Variants in COX4I1 observed in about 807,000 individuals in gnomAD.
COX4I1 encodes cytochrome c oxidase subunit 4I1, also known as cytochrome c oxidase subunit 4 isoform 1, mitochondrial.
COX4I1 carries 18 observed loss-of-function variants against 21.7 expected under a neutral mutation model. That is an observed-to-expected ratio of 0.83 (90% confidence interval 0.57 to 1.23). The LOEUF (loss-of-function observed/expected upper bound fraction) is 1.23, where lower values mean the gene tolerates loss of function less well. Ranked by LOEUF, COX4I1 falls within the 50% of genes most tolerant of loss-of-function variation. The pLI is 0.00. For missense variants in COX4I1, 238 were observed against 220.7 expected, an observed-to-expected ratio of 1.08 and a Z score of -0.50; for synonymous variants, 100 against 81.5, an observed-to-expected ratio of 1.23 and a Z score of -1.23.
intron 4 of COX4I1, chr16:85,806,155 A>T (rs1392408191): frequency 6.8e-6 from 4 of 585,688 alleles, no homozygotes; most frequent in Non-Finnish European, 1.2e-5. Flanking sequence ...TGTGCTCACC[A>T]GTCACTTAGC....
In COX4I1 at chr16:85,806,976, G is replaced by T; in HGVS notation, c.*102G>T. On this transcript the variant is annotated 3_prime_UTR_variant, in exon 5 of 5. Transcript: ENST00000253452. ...TGTTATGCCAAACAGTTGTACCACT[G>T]CTAATAAATGACCAGTTTACCTGAA... 1 of 1,258,008 alleles carries T rather than the reference G, an allele frequency of 7.9e-7. No individual in the cohort carries two copies. 77.9% of individuals were successfully genotyped at this position (1,258,008 alleles called of 1,614,324 possible).
intron 1 of COX4I1, among the ~76,000 whole-genome samples, chr16:85,800,217 G>A (rs190188278): frequency 6.6e-6 from 1 of 152,392 alleles, no homozygotes; most frequent in Non-Finnish European, 1.5e-5. Flanking sequence ...GAAGCTAGAC[G>A]CGGGCGTTCA....
intron 4 of COX4I1, chr16:85,806,204 G>A (rs1474312013): frequency 1.7e-6 from 1 of 589,062 alleles, no homozygotes; most frequent in Non-Finnish European, 3.0e-6. Context: ...AGGATAAGGG[G>A]ACTCATTCAT....
At chr16:85,806,139 A>G in intron 4 of COX4I1, 1 of 584,952 alleles carries the variant, frequency 1.7e-6, no homozygotes, top group Non-Finnish European at 3.0e-6. Flanking sequence ...TTTCAGTAGC[A>G]ATTTATGTGC....
rs986078720 is a variant in COX4I1 at position 85,801,120 on chromosome 16, T to G, written c.-1-85T>G. On this transcript the variant is annotated intron_variant, in intron 1 of 4. Transcript: ENST00000253452. ...GTTGGGGAGAAGCAAACAAAAAAAT[T>G]CCAAAATGCTCTGGGGCAAAAAGAA... 3.4e-6 allele frequency: 4 copies of G among 1,171,770 alleles called. No homozygotes were observed. In the African/African-American group the frequency reaches 4.6e-5, roughly 13 times the overall value. 72.6% of individuals were successfully genotyped at this position (1,171,770 alleles called of 1,614,324 possible).
rs940259488 is a variant in COX4I1 at position 85,805,269 on chromosome 16, C to T, written c.241+165C>T. ...GTGCCAGGGCCCCAGTTTATGTGCT[C>T]ACCAGTCACTTAGCTCTGCCAGCTG... On this transcript the variant is annotated intron_variant, in intron 3 of 4. Coordinates refer to ENST00000253452, the MANE Select transcript of COX4I1 (RefSeq NM_001861.6). The T allele has an allele frequency of 1.1e-5, 7 of 652,168 alleles. No individual in the cohort carries two copies. In the East Asian group the frequency reaches 1.4e-4, roughly 13 times the overall value. The allele number at this position is 652,168 out of a possible 1,614,324, so 40.4% of individuals were successfully genotyped here.
chr16:85,805,416 T>G, intron 3 of COX4I1: 1 of 523,320 alleles, frequency 1.9e-6, no homozygotes, highest in Non-Finnish European at 3.4e-6. Context: ...TGCATAGTGT[T>G]TGGTATGAAA....
chr16:85,806,602 T>G, intron 4 of COX4I1, 136 bp from the exon 5 acceptor site: 2 of 1,252,260 alleles, frequency 1.6e-6, no homozygotes, highest in Non-Finnish European at 1.2e-6. Flanking sequence ...AACCGTGTGT[T>G]TGAGCGGGTG....
chr16:85,804,068 G>A (rs1386502407), intron 2 of COX4I1: 1 of 152,274 alleles, frequency 6.6e-6, no homozygotes, highest in Non-Finnish European at 1.5e-5. Flanking sequence ...TGCCTGTAGA[G>A]GGTGCTTGGT....
intron 1 of COX4I1, 60 bp from the exon 2 acceptor site, chr16:85,801,145 A>G: frequency 1.4e-6 from 2 of 1,426,560 alleles, no homozygotes; most frequent in Non-Finnish European, 9.8e-7. Context: ...GGCAAAAAGA[A>G]GACTAATTCC....
chr16:85,805,782 G>A lies in COX4I1; in HGVS notation c.291G>A (p.Ser97=), dbSNP rs371758115. 4.3e-6 allele frequency: 7 copies of A among 1,614,126 alleles called. No homozygotes were observed. The highest frequency in any genetic ancestry group is 1.7e-5 in the Admixed American group (1 of 60,008). ...GCTTTGCTGAGATGAACAGGGGCTC[G>A]AACGAGTGGAAGACGGTTGTGGGCG... is the stretch of plus-strand genomic sequence containing the variant. ...KESFAEMNRG[S]NEWKTVVGGA... Residue 97 remains serine (S), a synonymous_variant, in exon 4 of 5, where the codon TCG becomes TCA. Coordinates refer to ENST00000253452, the MANE Select transcript of COX4I1 (RefSeq NM_001861.6).
At chr16:85,805,247 C>CA in intron 3 of COX4I1, 143 bp downstream of exon 3, 1 of 767,610 alleles carries the variant, frequency 1.3e-6, no homozygotes, top group Non-Finnish European at 2.0e-6. Context: ...GGTCACTGTG[C>CA]CAGGGCCCCA....
chr16:85,805,240 C>T, intron 3 of COX4I1, 136 bp downstream of exon 3: 1 of 887,192 alleles, frequency 1.1e-6, no homozygotes, highest in Non-Finnish European at 1.7e-6. Flanking sequence ...GTTTCGGGGT[C>T]ACTGTGCCAG....
rs1906261015 is a variant in COX4I1, at chr16:85,806,921, A to G, written c.*47A>G. ...ACCTGCGCCTGGCTCTGTCACCGCC[A>G]TGCAACTCCATGCCTATTTACTGGA... On this transcript the variant is annotated 3_prime_UTR_variant, in exon 5 of 5. Coordinates refer to ENST00000253452, the MANE Select transcript of COX4I1 (RefSeq NM_001861.6). 1 of 1,573,266 alleles carries G rather than the reference A, an allele frequency of 6.4e-7. No individual in the cohort carries two copies.
chr16:85,803,346 A>G (rs1905916178), intron 2 of COX4I1: 1 of 152,228 alleles, frequency 6.6e-6, no homozygotes, highest in Admixed American at 6.5e-5. Flanking sequence ...CGGCTAAGAG[A>G]AACATCTAGA....
chr16:85,805,161 A>C, intron 3 of COX4I1, 57 bp downstream of exon 3: 1 of 1,536,518 alleles, frequency 6.5e-7, no homozygotes. Flanking sequence ...CGTGTGTGTG[A>C]CAGAGCCTCT....
chr16:85,805,452 T>C, intron 3 of COX4I1: 1 of 551,188 alleles, frequency 1.8e-6, no homozygotes, highest in Non-Finnish European at 3.2e-6. Flanking sequence ...CAAGATTAAA[T>C]AGACCCTAAT....
rs191821030 is a variant in COX4I1 at position 85,801,259 on chromosome 16, T to C, written c.54T>C (p.Ser18=). 3 of 1,611,136 alleles carry C rather than the reference T, an allele frequency of 1.9e-6. No homozygotes were observed. The highest frequency in any genetic ancestry group is 3.3e-5 in the Admixed American group (2 of 59,982). Residue 18 remains serine, a synonymous_variant, in exon 2 of 5, where the codon TCT becomes TCC. Coordinates refer to ENST00000253452, the MANE Select transcript of COX4I1 (RefSeq NM_001861.6). ...TTGGCAAGCGAGCAATTTCCACCTC[T>C]GTGTGTGTACGAGCTCATGGTAAGT... is the stretch of plus-strand genomic sequence containing the variant. ...SLVGKRAIST[S]VCVRAHESVV...
rs1265825400 is a variant in COX4I1 at position 85,806,971 on chromosome 16, C to G, written c.*97C>G. The G allele has an allele frequency of 3.8e-6, 5 of 1,327,342 alleles. No homozygotes were observed. The highest frequency in any genetic ancestry group is 1.5e-5 in the African/African-American group (1 of 68,340). 82.2% of individuals were successfully genotyped at this position (1,327,342 alleles called of 1,614,324 possible). On this transcript the variant is annotated 3_prime_UTR_variant, in exon 5 of 5. Transcript: ENST00000253452. ...AAACCTGTTATGCCAAACAGTTGTA[C>G]CACTGCTAATAAATGACCAGTTTAC... is the stretch of plus-strand genomic sequence containing the variant.
Sources: allele counts gnomAD v4.1 joint callset (sites outside exome capture counted in the v4.1 genomes callset), GRCh38; gene constraint gnomAD v4.1.1; transcripts MANE v1.5; gene names NCBI Gene and HGNC (gene_info 2026-07-23, HGNC 2026-07-21).